FBLN5: variants seen among roughly 807,000 people sequenced by gnomAD.
The protein encoded by FBLN5 is fibulin-5.
FBLN5 carries 24 observed loss-of-function variants against 61.6 expected under a neutral mutation model. The ratio of observed to expected loss-of-function variants is 0.39; its 90% CI spans 0.28 to 0.55. The LOEUF is 0.55. Among genes scored for constraint, FBLN5 ranks in the 20% least tolerant of loss-of-function variants. The pLI is 0.65. For missense variants in FBLN5, 470 were observed against 594.1 expected, an observed-to-expected ratio of 0.79 and a Z score of 2.17; for synonymous variants, 213 against 219.8, an observed-to-expected ratio of 0.97 and a Z score of 0.27.
intron 4 of FBLN5, among the ~76,000 whole-genome samples, chr14:91,936,623 G>C (rs1394178413): frequency 6.6e-6 from 1 of 152,134 alleles, no homozygotes; most frequent in Non-Finnish European, 1.5e-5. Context: ...TTGGTTATTT[G>C]AGAAAATATT....
rs1177835707 is a variant in FBLN5, at chr14:91,869,469, A to T, written c.*755T>A. On this transcript the variant is annotated 3_prime_UTR_variant, in exon 11 of 11. Transcript: ENST00000342058. Reference sequence around the variant, plus strand: ...TGCATTCCAATCCAATTGGGTAAAAATTCTAAAGAAAGCAAGATTAAGGGG... The same window carrying T: ...TGCATTCCAATCCAATTGGGTAAAATTTCTAAAGAAAGCAAGATTAAGGGG... The T allele has an allele frequency of 6.6e-6, 1 of 152,496 alleles. No homozygotes were observed. Among genetic ancestry groups the T allele is most frequent in the Non-Finnish European group, 1.5e-5 (1 of 68,290 alleles). 9.4% of individuals were successfully genotyped at this position (152,496 alleles called of 1,614,324 possible). A position where few individuals can be genotyped will look rare whatever the true frequency, so the allele number is the denominator to read the frequency against.
chr14:91,881,123 A>C (rs1889428098), intron 9 of FBLN5, among the ~76,000 whole-genome samples, 169 bp downstream of exon 9: 4 of 120,272 alleles, frequency 3.3e-5, no homozygotes, highest in African/African-American at 1.3e-4. Context: ...TCTATTCTAC[A>C]CACACACACA....
At chr14:91,928,975 A>G (rs903569229) in intron 4 of FBLN5, among the ~76,000 whole-genome samples, 1 of 151,656 alleles carries the variant, frequency 6.6e-6, no homozygotes, top group Non-Finnish European at 1.5e-5. Context: ...GGAGAATGGC[A>G]TGAACGTGGG....
rs1555380162 is a variant in FBLN5 at position 91,937,197 on chromosome 14, A to G, written c.129T>C (p.Ile43=). ...CCTCGGGGATGGTTCGGCATTCATCAATATCTGAAAGGCACAGAAAGGGCG... is the reference window on the plus strand; with the variant it reads ...CCTCGGGGATGGTTCGGCATTCATCGATATCTGAAAGGCACAGAAAGGGCG... ...LDRQSGQCLD[I]DECRTIPEAC... The change falls in exon 4 of 11, where the codon ATT becomes ATC. Residue 43 remains isoleucine, a synonymous_variant. Transcript: ENST00000342058. 1 of 1,614,116 alleles carries G rather than the reference A, an allele frequency of 6.2e-7. No homozygotes were observed. The highest frequency in any genetic ancestry group is 8.5e-7 in the Non-Finnish European group (1 of 1,180,018).
intron 4 of FBLN5, among the ~76,000 whole-genome samples, chr14:91,918,659 T>G (rs543635455): frequency 6.6e-6 from 1 of 152,300 alleles, no homozygotes; most frequent in South Asian, 2.1e-4. Flanking sequence ...GCACAAAATC[T>G]AAGGAAAGGC....
chr14:91,928,228 G>A (rs1214332452), intron 4 of FBLN5, among the ~76,000 whole-genome samples: 1 of 152,230 alleles, frequency 6.6e-6, no homozygotes, highest in African/African-American at 2.4e-5. Flanking sequence ...AAGGGCTAAC[G>A]CAAAAAATTA....
At chr14:91,913,007 G>A (rs1891023584) in intron 4 of FBLN5, among the ~76,000 whole-genome samples, 1 of 152,080 alleles carries the variant, frequency 6.6e-6, no homozygotes, top group Non-Finnish European at 1.5e-5. Context: ...AACTCAATAT[G>A]TACTCCATAT....
At chr14:91,946,540 A>C (rs201382848) in intron 1 of FBLN5, among the ~76,000 whole-genome samples, 46 of 143,462 alleles carry the variant, frequency 3.2e-4, no homozygotes, top group Non-Finnish European at 5.8e-4. Context: ...ACACACACAC[A>C]CCCCACAGAC....
At chr14:91,946,683 C>A (rs1292923565) in intron 1 of FBLN5, 2 of 1,517,938 alleles carry the variant, frequency 1.3e-6, no homozygotes, top group Non-Finnish European at 1.8e-6. Flanking sequence ...TTGCAATTTC[C>A]TTAAAGAATA....
chr14:91,877,472 C>T lies in FBLN5; in HGVS notation c.1185+15G>A, dbSNP rs781304312. The T allele has an allele frequency of 1.9e-6, 3 of 1,606,712 alleles. No homozygotes were observed. The highest frequency in any genetic ancestry group is 1.7e-6 in the Non-Finnish European group (2 of 1,173,338). ...ACTGTTACAGATGGCGTCCCCACTC[C>T]CCACTCCCTCTTACCCGCATGTAAA... is the stretch of plus-strand genomic sequence containing the variant. On this transcript the variant is annotated intron_variant, in intron 10 of 10. Transcript: ENST00000342058.
At chr14:91,928,242 T>C (rs2055862501) in intron 4 of FBLN5, among the ~76,000 whole-genome samples, 1 of 152,216 alleles carries the variant, frequency 6.6e-6, no homozygotes, top group Non-Finnish European at 1.5e-5. Context: ...AAAATTATGT[T>C]TCCTAAAGAT....
intron 4 of FBLN5, among the ~76,000 whole-genome samples, chr14:91,902,277 GTTTGTT>G (rs1449735211): frequency 4.1e-5 from 2 of 48,808 alleles, no homozygotes; most frequent in African/African-American, 5.6e-5. Flanking sequence ...TTGTTTGTTT[GTTTGTT>G]TTTTTTTTTT....
At chr14:91,872,774 A>G (rs1275979517) in intron 10 of FBLN5, among the ~76,000 whole-genome samples, 2 of 152,160 alleles carry the variant, frequency 1.3e-5, no homozygotes, top group Non-Finnish European at 2.9e-5. Context: ...ACGAAACCTG[A>G]GCCCTGGGCC....
intron 4 of FBLN5, among the ~76,000 whole-genome samples, chr14:91,911,933 T>C (rs1057011308): frequency 2.6e-5 from 4 of 152,186 alleles, no homozygotes; most frequent in African/African-American, 9.6e-5. Context: ...GCGGAAGACC[T>C]CCTCATCTGA....
chr14:91,873,106 C>T (rs1451894939), intron 10 of FBLN5, among the ~76,000 whole-genome samples: 1 of 152,214 alleles, frequency 6.6e-6, no homozygotes, highest in African/African-American at 2.4e-5. Context: ...CCTGGGTCCA[C>T]CCTACCCACA....
chr14:91,907,061 G>A (rs576566645), intron 4 of FBLN5, among the ~76,000 whole-genome samples: 144 of 152,360 alleles, frequency 9.5e-4, no homozygotes, highest in Non-Finnish European at 1.7e-3. Context: ...GGATCCTGCA[G>A]CAGAGACTAT....
rs903747112 is a variant in FBLN5, at chr14:91,914,493, A to C, written c.380-19421T>G. On this transcript the variant is annotated intron_variant, in intron 4 of 10. Transcript: ENST00000342058. ...ACTCTGTCTCAAAAAAAAAAAAAAA[A>C]AAAAAAAACAACAAATATTAGCTGG... Among the ~76,000 whole-genome samples the C allele has an allele frequency of 2.7e-5, 4 of 150,228 alleles. 1 individual carries two copies. Among genetic ancestry groups the C allele is most frequent in the South Asian group, 4.2e-4 (2 of 4,762 alleles).
At chr14:91,907,645 G>A (rs60132655) in intron 4 of FBLN5, among the ~76,000 whole-genome samples, 32,348 of 151,768 alleles carry the variant, frequency 0.21, 3,707 homozygotes, top group Middle Eastern at 0.37. Context: ...AAGGCATCGT[G>A]TGCCAAGCAA....
chr14:91,882,632 G>A lies in FBLN5; in HGVS notation c.862+322C>T, dbSNP rs1595298147. Among the ~76,000 whole-genome samples the A allele has an allele frequency of 6.6e-6, 1 of 152,270 alleles. No individual in the cohort carries two copies. Among genetic ancestry groups the A allele is most frequent in the Admixed American group, 6.5e-5 (1 of 15,288 alleles). The stretch of plus-strand genomic sequence containing the variant: ...AAAAGTCCTGCTTAGCTCTGGAGCA[G>A]TTCTCAGAGGAGCCTCAGAGATCTG... On this transcript the variant is annotated intron_variant, in intron 8 of 10. Transcript: ENST00000342058. The surrounding 1 kb of genome is among the most constrained non-coding windows in gnomAD (Gnocchi z 4.9).
Sources: allele counts gnomAD v4.1 joint callset (sites outside exome capture counted in the v4.1 genomes callset), GRCh38; gene constraint gnomAD v4.1.1; non-coding constraint Gnocchi (gnomAD v3.1); transcripts MANE v1.5; gene names NCBI Gene and HGNC (gene_info 2026-07-23, HGNC 2026-07-21).